Variants in KIAA0825 observed in about 807,000 individuals in gnomAD.
KIAA0825 encodes KIAA0825.
In KIAA0825, 119 loss-of-function variants were observed where a neutral mutation model predicts 147.6. The observed-to-expected ratio is 0.81, with a 90% CI of 0.69 to 0.94. The LOEUF (loss-of-function observed/expected upper bound fraction) is 0.94. Among genes scored for constraint, KIAA0825 ranks in the 40% least tolerant of loss-of-function variants. KIAA0825 has a pLI of 0.00. For missense variants in KIAA0825, 1,381 were observed against 1,472.7 expected (o/e 0.94, Z 1.02); for synonymous variants, 470 against 518.1 (o/e 0.91, Z 1.26).
chr5:94,282,006 T>A (rs1777491701), intron 20 of KIAA0825, among the ~76,000 whole-genome samples: 2 of 152,090 alleles, frequency 1.3e-5, no homozygotes, highest in Admixed American at 1.3e-4. Context: ...TCCTCTTCCT[T>A]CTGTCATCTC....
intron 14 of KIAA0825, among the ~76,000 whole-genome samples, chr5:94,418,912 C>T (rs1753819299): frequency 6.6e-6 from 1 of 152,136 alleles, no homozygotes; most frequent in Non-Finnish European, 1.5e-5. Context: ...GGGTCTCACT[C>T]TGTCTCCCAG....
rs1766673401 is a variant in KIAA0825 at position 94,152,867 on chromosome 5, TATATATATATATATATATATATA to T, written c.*1117_*1139del. 8.0e-5 allele frequency: 1 copy of T among 12,542 alleles called. No individual in the cohort carries two copies. The highest frequency in any genetic ancestry group is 2.5e-3 in the East Asian group (1 of 402). The allele number at this position is 12,542 out of a possible 1,614,324, so 0.8% of individuals were successfully genotyped here. ...AAAAAAAAAAAAAATTATATATATA[TATATATATATATATATATATATA>T]TATATATATATATGGTTTCTCCCAG... is the stretch of plus-strand genomic sequence containing the variant. On this transcript the variant is annotated 3_prime_UTR_variant, in exon 21 of 21. Coordinates refer to ENST00000682413, the MANE Select transcript of KIAA0825 (RefSeq NM_001145678.3).
At position 94,467,823 on chromosome 5, in the gene KIAA0825, T is replaced by C. The variant is rs536651870; in HGVS notation, c.1872+2138A>G. Among the ~76,000 whole-genome samples the C allele has an allele frequency of 2.6e-5, 4 of 152,260 alleles. No homozygotes were observed. In the South Asian group the frequency reaches 8.3e-4, roughly 32 times the overall value. On this transcript the variant is annotated intron_variant, in intron 10 of 20. Coordinates refer to ENST00000682413, the MANE Select transcript of KIAA0825 (RefSeq NM_001145678.3). ...TCTCAAAGCAGGCCTGCCAAAAACA[T>C]ACTAGTCCTGTTTCACAAAGCAGTT... is the stretch of plus-strand genomic sequence containing the variant.
At chr5:94,469,449 G>A (rs1451617857) in intron 10 of KIAA0825, among the ~76,000 whole-genome samples, 4 of 152,138 alleles carry the variant, frequency 2.6e-5, no homozygotes, top group Non-Finnish European at 5.9e-5. Flanking sequence ...TGGGATTACA[G>A]GCGTGAGCCA....
intron 3 of KIAA0825, among the ~76,000 whole-genome samples, chr5:94,529,405 C>CTCATATATGTATATATCATACGTATATA (rs1770280965): frequency 1.0e-5 from 1 of 97,464 alleles, no homozygotes; most frequent in African/African-American, 3.3e-5. Context: ...ATATGTATAT[C>CTCATATATGTATATATCATACGTATATA]TCATATATGT....
intron 2 of KIAA0825, among the ~76,000 whole-genome samples, chr5:94,541,797 A>G (rs902941523): frequency 1.3e-5 from 2 of 152,250 alleles, no homozygotes; most frequent in African/African-American, 4.8e-5. Context: ...CACTAATGCA[A>G]CAGTGACATT....
chr5:94,256,944 TCTAC>T (rs61472103), intron 20 of KIAA0825, among the ~76,000 whole-genome samples: 2 of 152,108 alleles, frequency 1.3e-5, no homozygotes, highest in Non-Finnish European at 2.9e-5. Flanking sequence ...TAAAGATCTG[TCTAC>T]CTACCTACCT....
intron 20 of KIAA0825, among the ~76,000 whole-genome samples, chr5:94,272,084 T>A (rs1202630064): frequency 1.6e-5 from 2 of 128,986 alleles, no homozygotes; most frequent in Admixed American, 1.8e-4. Flanking sequence ...AAACATTGCA[T>A]CTTCTCACTT....
chr5:94,485,731 T>C (rs1562546969), intron 5 of KIAA0825, among the ~76,000 whole-genome samples: 1 of 151,870 alleles, frequency 6.6e-6, no homozygotes, highest in Admixed American at 6.6e-5. Context: ...GCAACCTTTT[T>C]GTAAGTCTGA....
At chr5:94,441,174 T>C (rs1475571414) in intron 13 of KIAA0825, among the ~76,000 whole-genome samples, 2 of 150,732 alleles carry the variant, frequency 1.3e-5, no homozygotes, top group Admixed American at 6.6e-5. Context: ...TCTAGACCAA[T>C]GGTTTTCAAA....
intron 20 of KIAA0825, among the ~76,000 whole-genome samples, chr5:94,245,641 C>T (rs1775565328): frequency 1.3e-5 from 2 of 152,080 alleles, no homozygotes; most frequent in South Asian, 4.1e-4. Flanking sequence ...GACAATCTAA[C>T]CTCTTGAGTC....
intron 13 of KIAA0825, among the ~76,000 whole-genome samples, chr5:94,444,768 A>C (rs1757525711): frequency 6.6e-6 from 1 of 152,122 alleles, no homozygotes. Context: ...ATGACCCTGA[A>C]GAATCAATGA....
rs1340490493 is a variant in KIAA0825 at position 94,395,959 on chromosome 5, T to C, written c.3296+142A>G. 6.9e-6 allele frequency: 5 copies of C among 728,602 alleles called. No homozygotes were observed. In the East Asian group the frequency reaches 1.5e-4, roughly 22 times the overall value. The allele number at this position is 728,602 out of a possible 1,614,324, so 45.1% of individuals were successfully genotyped here. A position where few individuals can be genotyped will look rare whatever the true frequency, so the allele number is the denominator to read the frequency against. On this transcript the variant is annotated intron_variant, in intron 17 of 20. Transcript: ENST00000682413. ...AATCCAATTTTTAATGGGATACTTA[T>C]CTTTTTTTATATTCATCAAAGCTGC...
intron 20 of KIAA0825, among the ~76,000 whole-genome samples, chr5:94,344,462 A>G (rs560278061): frequency 9.9e-5 from 15 of 152,228 alleles, no homozygotes; most frequent in South Asian, 6.2e-4. Flanking sequence ...TGCACTGCTA[A>G]TGATAATGTA....
rs869059424 is a variant in KIAA0825 at position 94,224,082 on chromosome 5, C to CTTTTTTTTTTTTTTTTT, written c.3711-69975_3711-69959dup. On this transcript the variant is annotated intron_variant, in intron 20 of 20. Coordinates refer to ENST00000682413, the MANE Select transcript of KIAA0825 (RefSeq NM_001145678.3). ...TTTCTTTTCTCTTTCTTTTTCTTTT[C>CTTTTTTTTTTTTTTTTT]TTTTTTTTTTTTTTTTTTTTTTTTT... 5.9e-3 allele frequency among the ~76,000 whole-genome samples: 332 copies of CTTTTTTTTTTTTTTTTT among 56,540 alleles called. 5 individuals are homozygous for CTTTTTTTTTTTTTTTTT. The highest frequency in any genetic ancestry group is 8.9e-3 in the South Asian group (11 of 1,240). The allele number at this position is 56,540 out of a possible 152,430, so 37.1% of individuals were successfully genotyped here.
chr5:94,568,164 C>T (rs999660238), intron 2 of KIAA0825: 1 of 160,748 alleles, frequency 6.2e-6, no homozygotes, highest in African/African-American at 2.4e-5. Context: ...TGCTCCGGAT[C>T]CATTATTCAT....
intron 2 of KIAA0825, among the ~76,000 whole-genome samples, chr5:94,541,044 TTGTC>T (rs534296774): frequency 6.6e-6 from 1 of 152,214 alleles, no homozygotes. Context: ...ACGTCATAGA[TTGTC>T]TGTGTAAGTT....
At chr5:94,350,429 A>G (rs1783527003) in intron 20 of KIAA0825, among the ~76,000 whole-genome samples, 1 of 152,224 alleles carries the variant, frequency 6.6e-6, no homozygotes, top group Non-Finnish European at 1.5e-5. Context: ...GATTCATTCT[A>G]TGAAGCCAGC....
At chr5:94,460,350 ATTTT>A (rs1759659483) in intron 12 of KIAA0825, among the ~76,000 whole-genome samples, 1 of 152,072 alleles carries the variant, frequency 6.6e-6, no homozygotes, top group Non-Finnish European at 1.5e-5. Context: ...AAGAACACAT[ATTTT>A]TGCAAACAGG....
Sources: gnomAD v4.1 joint callset for allele counts (sites outside exome capture counted in the v4.1 genomes callset) on GRCh38, gnomAD v4.1.1 for gene constraint, MANE v1.5 for transcripts, NCBI Gene and HGNC (gene_info 2026-07-23, HGNC 2026-07-21) for gene names.